Variants in CIITA observed in about 807,000 individuals in gnomAD.
The protein encoded by CIITA is class II major histocompatibility complex transactivator.
Under a neutral mutation model 115.1 loss-of-function variants are expected in CIITA, and 72 were observed. The ratio of observed to expected loss-of-function variants is 0.63; its 90% confidence interval spans 0.52 to 0.76. CIITA has a LOEUF of 0.76. Ranked by LOEUF, CIITA falls within the 30% of genes least tolerant of loss-of-function variation. The pLI is 0.00. For synonymous variants in CIITA, 763 were observed against 635.6 expected, an observed-to-expected ratio of 1.20 and a Z score of -3.02; for missense variants, 1,617 against 1,463.8, an observed-to-expected ratio of 1.10 and a Z score of -1.71.
intron 1 of CIITA, among the ~76,000 whole-genome samples, chr16:10,869,725 G>C (rs1021660162): frequency 6.6e-6 from 1 of 152,086 alleles, no homozygotes; most frequent in South Asian, 2.1e-4. Context: ...AAGTTGGCCA[G>C]GCTGGTCTTG....
intron 11 of CIITA, 37 bp downstream of exon 11, chr16:10,908,186 T>C: frequency 6.4e-7 from 1 of 1,550,826 alleles, no homozygotes; most frequent in African/African-American, 1.4e-5. Flanking sequence ...CATCCTTGTG[T>C]TGGGCATTAA....
Position 10,901,745 on chromosome 16 carries a change from G to A in CIITA, c.481+187G>A, listed in dbSNP as rs1435097178. 5 of 688,610 alleles carry A rather than the reference G, an allele frequency of 7.3e-6. No homozygotes were observed. The highest frequency in any genetic ancestry group is 3.6e-5 in the African/African-American group (2 of 55,894). The allele number at this position is 688,610 out of a possible 1,614,324, so 42.7% of individuals were successfully genotyped here. ...AAGGGGCTCACGACTGTTTGTGGAA[G>A]GTGGTAGGGGCTTGGAGCTAACAGA... On this transcript the variant is annotated intron_variant, in intron 6 of 19. Transcript: ENST00000324288. This position sits in a 1 kb window ranked among gnomAD's most constrained non-coding sequence, Gnocchi z 6.8.
chr16:10,906,087 G>A (rs1419376018), intron 10 of CIITA, among the ~76,000 whole-genome samples: 1 of 151,984 alleles, frequency 6.6e-6, no homozygotes, highest in Non-Finnish European at 1.5e-5. Flanking sequence ...CAGCTACTCA[G>A]GAGGCTGAGG....
chr16:10,902,240 G>T, intron 7 of CIITA, 56 bp downstream of exon 7: 2 of 1,608,046 alleles, frequency 1.2e-6, no homozygotes, highest in Middle Eastern at 1.7e-4. Flanking sequence ...GGTGGATAAG[G>T]AGTTGACACT....
rs1342369838 is a variant in CIITA, at chr16:10,942,734, GC to G, written n.1861del. On this transcript the variant is annotated non_coding_transcript_exon_variant, in exon 2 of 2. Transcript: ENST00000573379. The surrounding 1 kb of genome is among the most constrained non-coding windows in gnomAD (Gnocchi z 5.0). ...CAAACCTAGACATAATGCTAAGGCC[GC>G]AAAAGCCGAAGGAAACCCGGGCTAC... is the stretch of plus-strand genomic sequence containing the variant. 3 of 152,400 alleles carry G rather than the reference GC, an allele frequency of 2.0e-5. No homozygotes were observed. In the East Asian group the frequency reaches 5.8e-4, roughly 29 times the overall value. The allele number at this position is 152,400 out of a possible 1,614,324, so 9.4% of individuals were successfully genotyped here.
rs2038770120 is a variant in CIITA at position 10,901,670 on chromosome 16, T to C, written c.481+112T>C. 14 of 1,177,504 alleles carry C rather than the reference T, an allele frequency of 1.2e-5. No homozygotes were observed. The highest frequency in any genetic ancestry group is 1.7e-5 in the Non-Finnish European group (14 of 812,216). The allele number at this position is 1,177,504 out of a possible 1,614,324, so 72.9% of individuals were successfully genotyped here. A position where few individuals can be genotyped will look rare whatever the true frequency, so the allele number is the denominator to read the frequency against. ...TGGGGATGGTGCATGGTGCAGCCCC[T>C]GCCCTTCTTTGGGTAGAGGCTGAGA... On this transcript the variant is annotated intron_variant, in intron 6 of 19. Coordinates refer to ENST00000324288, the MANE Select transcript of CIITA (RefSeq NM_000246.4). The surrounding 1 kb of genome is among the most constrained non-coding windows in gnomAD (Gnocchi z 6.8).
At chr16:10,874,712 C>T (rs558503132), upstream of CIITA, among the ~76,000 whole-genome samples, 107 of 152,284 alleles carry the variant, frequency 7.0e-4, no homozygotes, top group African/African-American at 2.3e-3. Flanking sequence ...GGTACTGAAA[C>T]GAACCTCTGG....
intron 1 of CIITA, among the ~76,000 whole-genome samples, chr16:10,870,737 C>T (rs999830858): frequency 6.6e-6 from 1 of 152,182 alleles, no homozygotes; most frequent in African/African-American, 2.4e-5. Context: ...AGCAATGATA[C>T]GAATCTCCCA....
At chr16:10,937,518 C>T (rs1239334102), downstream of CIITA, 2 of 152,200 alleles carry the variant, frequency 1.3e-5, no homozygotes, top group African/African-American at 4.8e-5. The surrounding 1 kb of genome is among the most constrained non-coding windows in gnomAD (Gnocchi z 4.2). Context: ...TAAGATAGAC[C>T]AATGCATCGA....
intron 1 of CIITA, among the ~76,000 whole-genome samples, chr16:10,892,775 A>T (rs1003643852): frequency 6.6e-6 from 1 of 152,168 alleles, no homozygotes; most frequent in Admixed American, 6.6e-5. Flanking sequence ...TCTACTAAAA[A>T]TACAAAAATT....
intron 1 of CIITA, among the ~76,000 whole-genome samples, chr16:10,887,496 CTTT>C (rs35292035): frequency 6.9e-6 from 1 of 144,444 alleles, no homozygotes; most frequent in African/African-American, 2.6e-5. Context: ...CCTTCTCAAG[CTTT>C]TTTTTTTTTT....
At chr16:10,913,693 AC>A (rs2039747606) in intron 13 of CIITA, among the ~76,000 whole-genome samples, 1 of 150,858 alleles carries the variant, frequency 6.6e-6, no homozygotes, top group Non-Finnish European at 1.5e-5. Flanking sequence ...TAATCCCAGC[AC>A]TTTGGGAGGC....
chr16:10,874,207 T>A (rs905882575), upstream of CIITA, among the ~76,000 whole-genome samples: 1 of 152,044 alleles, frequency 6.6e-6, no homozygotes, highest in African/African-American at 2.4e-5. Flanking sequence ...TGGTTTCGAA[T>A]TCCTGACCTC....
At chr16:10,910,287 G>A in intron 13 of CIITA, 28 bp downstream of exon 13, 1 of 1,602,094 alleles carries the variant, frequency 6.2e-7, no homozygotes, top group Non-Finnish European at 8.5e-7. Flanking sequence ...TTGTCTTGTG[G>A]GTCTGCGCAA....
At chr16:10,894,373 T>A (rs1269101943) in intron 1 of CIITA, among the ~76,000 whole-genome samples, 2 of 152,200 alleles carry the variant, frequency 1.3e-5, no homozygotes, top group Non-Finnish European at 2.9e-5. Flanking sequence ...GGTGGATATT[T>A]GGGCTGTTTT....
rs903292422 is a variant in CIITA, at chr16:10,901,709, T to C, written c.481+151T>C. ...TAGAGGCTGAGAGCTTGGGGTCCCT[T>C]AGAGTCCTCTAAGGGGCTCACGACT... On this transcript the variant is annotated intron_variant, in intron 6 of 19. Transcript: ENST00000324288. The surrounding 1 kb of genome is among the most constrained non-coding windows in gnomAD (Gnocchi z 6.8). The C allele has an allele frequency of 1.1e-4, 91 of 836,450 alleles. 1 individual carries two copies. The East Asian group carries it at 1.7e-3, about 16-fold the overall frequency. 51.8% of individuals were successfully genotyped at this position (836,450 alleles called of 1,614,324 possible). A position where few individuals can be genotyped will look rare whatever the true frequency, so the allele number is the denominator to read the frequency against.
At chr16:10,916,910 C>A (rs2039983287) in intron 15 of CIITA, 1 of 284,042 alleles carries the variant, frequency 3.5e-6, no homozygotes, top group African/African-American at 2.1e-5. Flanking sequence ...GGAGACCCAG[C>A]TTTAAACAAA....
rs754229697 is a variant in CIITA at position 10,910,286 on chromosome 16, G to A, written c.2888+27G>A. On this transcript the variant is annotated intron_variant, in intron 13 of 19. Coordinates refer to ENST00000324288, the MANE Select transcript of CIITA (RefSeq NM_000246.4). ...TAAGCAAAGGGGTGGATTGTCTTGTGGGTCTGCGCAAGGTTTCCCCTGCAG... is the reference window on the plus strand; with the variant it reads ...TAAGCAAAGGGGTGGATTGTCTTGTAGGTCTGCGCAAGGTTTCCCCTGCAG... 2.5e-6 allele frequency: 4 copies of A among 1,605,624 alleles called. No homozygotes were observed. In the East Asian group the frequency reaches 6.7e-5, roughly 27 times the overall value.
rs2041111325 is a variant in CIITA at position 10,942,166 on chromosome 16, C to A, written n.1292C>A. ...TGTCCCCTGGCAATTGCGCCCCGAC[C>A]CCCGAAATGCGCCGGGCGGGTCACC... is the stretch of plus-strand genomic sequence containing the variant. On this transcript the variant is annotated non_coding_transcript_exon_variant, in exon 2 of 2. Transcript: ENST00000573379. This position sits in a 1 kb window ranked among gnomAD's most constrained non-coding sequence, Gnocchi z 5.0. 3.7e-6 allele frequency: 2 copies of A among 539,136 alleles called. No homozygotes were observed. The highest frequency in any genetic ancestry group is 4.6e-5 in the Admixed American group (1 of 21,686). The allele number at this position is 539,136 out of a possible 1,614,324, so 33.4% of individuals were successfully genotyped here. A position where few individuals can be genotyped will look rare whatever the true frequency, so the allele number is the denominator to read the frequency against.
Sources: allele counts gnomAD v4.1 joint callset (sites outside exome capture counted in the v4.1 genomes callset), GRCh38; gene constraint gnomAD v4.1.1; non-coding constraint Gnocchi (gnomAD v3.1); transcripts MANE v1.5; gene names NCBI Gene and HGNC (gene_info 2026-07-23, HGNC 2026-07-21).